The following DLG2 variants were observed in gnomAD, a reference collection of about 807,000 sequenced individuals.
The protein encoded by DLG2 is discs large MAGUK scaffold protein 2.
A neutral mutation model predicts 132.5 loss-of-function variants in DLG2; 45 were observed. The ratio of observed to expected loss-of-function variants is 0.34; its 90% CI spans 0.27 to 0.44. The LOEUF (loss-of-function observed/expected upper bound fraction) is 0.44. Ranked by LOEUF, DLG2 falls within the 20% of genes least tolerant of loss-of-function variation. The probability of loss-of-function intolerance (pLI) is 1.00; values close to 1 mark genes in which losing one functional copy is unlikely to be tolerated. For synonymous variants in DLG2, 424 were observed against 419.6 expected (o/e 1.01, Z -0.13); for missense variants, 1,045 against 1,196.9 (o/e 0.87, Z 1.87).
intron 4 of DLG2, among the ~76,000 whole-genome samples, chr11:85,225,010 C>T (rs1465848716): frequency 6.6e-6 from 1 of 152,090 alleles, no homozygotes; most frequent in Non-Finnish European, 1.5e-5. Context: ...TCAATTAAAA[C>T]ATAAAACCTC....
At chr11:84,351,828 G>A (rs1222405478) in intron 7 of DLG2, among the ~76,000 whole-genome samples, 2 of 152,144 alleles carry the variant, frequency 1.3e-5, no homozygotes, top group African/African-American at 2.4e-5. Flanking sequence ...TGTAACAATG[G>A]AGGAGAAGTA....
At chr11:85,151,152 A>G (rs1170345485) in intron 5 of DLG2, among the ~76,000 whole-genome samples, 1 of 152,064 alleles carries the variant, frequency 6.6e-6, no homozygotes, top group Non-Finnish European at 1.5e-5. Context: ...TGTATTGGCC[A>G]TTTGTATATT....
intron 4 of DLG2, among the ~76,000 whole-genome samples, chr11:85,168,623 A>G (rs1220160738): frequency 1.3e-5 from 2 of 152,128 alleles, no homozygotes; most frequent in Non-Finnish European, 2.9e-5. Context: ...ATGGGAAAAC[A>G]TTTTAAAAGT....
chr11:85,557,791 AC>A (rs1207505765), intron 3 of DLG2, among the ~76,000 whole-genome samples: 1 of 151,998 alleles, frequency 6.6e-6, no homozygotes, highest in Non-Finnish European at 1.5e-5. Flanking sequence ...CTTTCATCAT[AC>A]ACAAAAATTA....
chr11:83,601,786 G>A (rs1043576784), intron 19 of DLG2, among the ~76,000 whole-genome samples: 1 of 152,094 alleles, frequency 6.6e-6, no homozygotes, highest in African/African-American at 2.4e-5. Flanking sequence ...GCCTCCCAAA[G>A]TGCTGGGGTT....
At chr11:85,276,862 T>TAAGGTATG (rs1269621557) in intron 4 of DLG2, among the ~76,000 whole-genome samples, 2 of 152,202 alleles carry the variant, frequency 1.3e-5, no homozygotes, top group Admixed American at 1.3e-4. Flanking sequence ...TACTTGATAT[T>TAAGGTATG]AAGGTATGAT....
At chr11:84,460,689 G>C (rs142418427) in intron 7 of DLG2, among the ~76,000 whole-genome samples, 335 of 150,670 alleles carry the variant, frequency 2.2e-3, no homozygotes, top group African/African-American at 6.1e-3. Context: ...CATGTGTGTG[G>C]TAATTTTATT....
At chr11:84,910,859 T>C (rs530777281) in intron 6 of DLG2, among the ~76,000 whole-genome samples, 74 of 152,298 alleles carry the variant, frequency 4.9e-4, no homozygotes, top group African/African-American at 1.7e-3. Context: ...AAACAAGGGA[T>C]ATACTAGTGT....
chr11:85,285,379 G>C lies in DLG2; in HGVS notation c.41-14C>G, dbSNP rs1471232399. On this transcript the variant is annotated splice_polypyrimidine_tract_variant and intron_variant, in intron 3 of 27. Coordinates refer to ENST00000376104, the MANE Select transcript of DLG2 (RefSeq NM_001142699.3). Reference sequence around the variant, plus strand: ...ATTCTTGGATATCTGTAAAGAAAATGTAAGGAAAGCATCAAAATGTAATGC... The same window carrying C: ...ATTCTTGGATATCTGTAAAGAAAATCTAAGGAAAGCATCAAAATGTAATGC... 1.2e-6 allele frequency: 2 copies of C among 1,607,886 alleles called. No homozygotes were observed. The highest frequency in any genetic ancestry group is 3.4e-5 in the Admixed American group (2 of 59,458).
At chr11:84,498,325 A>G (rs948167428) in intron 7 of DLG2, among the ~76,000 whole-genome samples, 1 of 152,112 alleles carries the variant, frequency 6.6e-6, no homozygotes. Flanking sequence ...AGTCAATCCA[A>G]TGACAGGGAG....
chr11:83,827,834 G>A (rs2053324722), intron 17 of DLG2, among the ~76,000 whole-genome samples: 6 of 152,168 alleles, frequency 3.9e-5, no homozygotes. Flanking sequence ...TAGTTAATGT[G>A]ACTGCATGCT....
At chr11:84,211,090 G>T (rs1455893006) in intron 8 of DLG2, among the ~76,000 whole-genome samples, 1 of 152,178 alleles carries the variant, frequency 6.6e-6, no homozygotes, top group African/African-American at 2.4e-5. Context: ...AACAACTGTA[G>T]AAACAGATAT....
chr11:83,547,153 C>T (rs1162612574), intron 19 of DLG2, among the ~76,000 whole-genome samples: 6 of 152,048 alleles, frequency 3.9e-5, no homozygotes, highest in Admixed American at 2.0e-4. Context: ...TTTGGCTATA[C>T]CACTTTAAAG....
intron 7 of DLG2, among the ~76,000 whole-genome samples, chr11:84,332,197 G>A (rs2098463014): frequency 6.8e-6 from 1 of 147,714 alleles, no homozygotes; most frequent in Non-Finnish European, 1.5e-5. Flanking sequence ...CAACCGCTTT[G>A]CTTGTCCTTT....
chr11:84,276,952 G>C (rs1164419374), intron 7 of DLG2, among the ~76,000 whole-genome samples: 1 of 152,134 alleles, frequency 6.6e-6, no homozygotes, highest in African/African-American at 2.4e-5. Flanking sequence ...TGAACACAGA[G>C]AGAAAAGAAA....
intron 17 of DLG2, among the ~76,000 whole-genome samples, chr11:83,833,112 C>A (rs6592147): frequency 0.82 from 124,541 of 152,204 alleles, 51,758 homozygotes; most frequent in East Asian, 1. Flanking sequence ...AAGTAAGTGC[C>A]ACAAGCATCA....
intron 12 of DLG2, among the ~76,000 whole-genome samples, chr11:83,977,266 A>C (rs757297727): frequency 6.6e-6 from 1 of 151,994 alleles, no homozygotes; most frequent in Non-Finnish European, 1.5e-5. Flanking sequence ...TGTGCACCCA[A>C]GAAATGTAAA....
intron 6 of DLG2, among the ~76,000 whole-genome samples, chr11:84,765,358 G>C (rs1263479174): frequency 6.6e-6 from 1 of 151,990 alleles, no homozygotes; most frequent in South Asian, 2.1e-4. Flanking sequence ...CATAAGCAAC[G>C]TGCTACATTT....
chr11:84,131,503 A>G (rs1338998899), intron 9 of DLG2, among the ~76,000 whole-genome samples: 2 of 151,942 alleles, frequency 1.3e-5, no homozygotes, highest in Non-Finnish European at 2.9e-5. Flanking sequence ...CTTTCACCCT[A>G]TAGAATTTCA....
Sources: allele counts gnomAD v4.1 joint callset (sites outside exome capture counted in the v4.1 genomes callset), GRCh38; gene constraint gnomAD v4.1.1; transcripts MANE v1.5; gene names NCBI Gene and HGNC (gene_info 2026-07-23, HGNC 2026-07-21).